C10orf90: variants seen among roughly 807,000 people sequenced by gnomAD.
C10orf90 encodes the protein (E2-independent) E3 ubiquitin-conjugating enzyme FATS.
A neutral mutation model predicts 62.5 loss-of-function variants in C10orf90; 56 were observed. The ratio of observed to expected loss-of-function variants is 0.90; its 90% CI spans 0.72 to 1.12. The LOEUF (loss-of-function observed/expected upper bound fraction) is 1.12. C10orf90 is among the 50% of genes most tolerant of loss of function. The pLI is 0.00. For missense variants in C10orf90, 970 were observed against 880.4 expected (o/e 1.10, Z -1.29); for synonymous variants, 386 against 340.4 (o/e 1.13, Z -1.47).
At chr10:126,498,179 G>C (rs1862174732) in intron 4 of C10orf90, among the ~76,000 whole-genome samples, 1 of 152,228 alleles carries the variant, frequency 6.6e-6, no homozygotes, top group African/African-American at 2.4e-5. Context: ...GCAGGGTAGA[G>C]GCGGCTCCAG....
At chr10:126,428,015 C>T (rs887191873) in intron 8 of C10orf90, among the ~76,000 whole-genome samples, 1 of 151,964 alleles carries the variant, frequency 6.6e-6, no homozygotes, top group Non-Finnish European at 1.5e-5. Flanking sequence ...AAAGAACATC[C>T]CAAATAAATC....
At chr10:126,606,180 A>G (rs1003066519) in intron 2 of C10orf90, among the ~76,000 whole-genome samples, 12 of 152,338 alleles carry the variant, frequency 7.9e-5, no homozygotes, top group Admixed American at 7.8e-4. Context: ...TTCCAAGACA[A>G]TACCCTCAGG....
intron 2 of C10orf90, among the ~76,000 whole-genome samples, chr10:126,634,878 C>A (rs1845918904): frequency 6.6e-6 from 1 of 152,174 alleles, no homozygotes; most frequent in African/African-American, 2.4e-5. Flanking sequence ...AGAACAGTAT[C>A]CTTTGACACA....
Position 126,666,891 on chromosome 10 carries a change from A to G in C10orf90, c.240+3350T>C, listed in dbSNP as rs578119377. ...GCTACTCAGGAGGCTGAGGCAGGAGAATCATTTGAACCCGGGAGGCGGAGG... is the reference window on the plus strand; with the variant it reads ...GCTACTCAGGAGGCTGAGGCAGGAGGATCATTTGAACCCGGGAGGCGGAGG... On this transcript the variant is annotated intron_variant, in intron 1 of 9. Coordinates refer to ENST00000488181, the MANE Select transcript of C10orf90 (RefSeq NM_001350921.2). Among the ~76,000 whole-genome samples, 8 of 150,440 alleles carry G rather than the reference A, an allele frequency of 5.3e-5. No individual in the cohort carries two copies. In the South Asian group the frequency reaches 1.7e-3, roughly 32 times the overall value.
At chr10:126,633,247 G>C (rs1424574540) in intron 2 of C10orf90, among the ~76,000 whole-genome samples, 1 of 152,232 alleles carries the variant, frequency 6.6e-6, no homozygotes, top group Non-Finnish European at 1.5e-5. Context: ...TGATGGGCAA[G>C]AAATGATGTG....
chr10:126,481,524 C>G (rs995683932), intron 4 of C10orf90, among the ~76,000 whole-genome samples: 6 of 152,224 alleles, frequency 3.9e-5, no homozygotes, highest in Admixed American at 2.0e-4. Context: ...GAGACAGAGT[C>G]CACATCCCAA....
chr10:126,523,580 A>G (rs1186170886), intron 2 of C10orf90: 1 of 152,222 alleles, frequency 6.6e-6, no homozygotes, highest in Admixed American at 6.5e-5. Context: ...GAAACCTGTG[A>G]TAAAATACAC....
At chr10:126,653,488 A>G (rs1846331640) in intron 1 of C10orf90, among the ~76,000 whole-genome samples, 1 of 152,222 alleles carries the variant, frequency 6.6e-6, no homozygotes, top group African/African-American at 2.4e-5. Flanking sequence ...CATCCATTAA[A>G]GTTTTATCAT....
intron 4 of C10orf90, among the ~76,000 whole-genome samples, chr10:126,488,853 G>C (rs1861569901): frequency 6.6e-6 from 1 of 152,008 alleles, no homozygotes; most frequent in Non-Finnish European, 1.5e-5. Context: ...GTAGAAACCT[G>C]ACTAGTCATA....
intron 2 of C10orf90, among the ~76,000 whole-genome samples, chr10:126,517,908 CAAAAAAAA>C (rs34182199): frequency 3.7e-5 from 3 of 80,842 alleles, no homozygotes; most frequent in East Asian, 7.1e-4. Context: ...GACTCCATCT[CAAAAAAAA>C]AAAAAAAAAA....
intron 2 of C10orf90, among the ~76,000 whole-genome samples, chr10:126,588,814 C>A (rs970694784): frequency 6.6e-6 from 1 of 152,180 alleles, no homozygotes; most frequent in African/African-American, 2.4e-5. Flanking sequence ...CAATTGACTG[C>A]AACATCTCTC....
chr10:126,555,341 G>C (rs1413118109), intron 2 of C10orf90, among the ~76,000 whole-genome samples: 1 of 152,100 alleles, frequency 6.6e-6, no homozygotes, highest in African/African-American at 2.4e-5. Context: ...AACTGGAAGA[G>C]GTTGATATAT....
intron 4 of C10orf90, chr10:126,470,064 T>C (rs1262034676): frequency 8.8e-6 from 4 of 455,130 alleles, no homozygotes; most frequent in South Asian, 6.2e-5. Context: ...GGAGGGAAGG[T>C]GTTCTTCTGC....
intron 2 of C10orf90, among the ~76,000 whole-genome samples, chr10:126,548,862 G>A (rs950298364): frequency 6.6e-6 from 1 of 151,198 alleles, no homozygotes; most frequent in African/African-American, 2.4e-5. Context: ...TCCAGAAATA[G>A]ATCCACATAA....
intron 2 of C10orf90, 61 bp downstream of exon 2, chr10:126,646,504 A>G (rs1564907842): frequency 2.8e-6 from 1 of 350,958 alleles, no homozygotes; most frequent in Non-Finnish European, 5.6e-6. Context: ...AAAGAGAGAG[A>G]GAGAGAGAGT....
chr10:126,544,054 ATCT>A (rs1394979391), intron 2 of C10orf90, among the ~76,000 whole-genome samples: 2 of 152,200 alleles, frequency 1.3e-5, no homozygotes, highest in Non-Finnish European at 2.9e-5. Flanking sequence ...GTGTTGCCAG[ATCT>A]TCTCATTTTT....
At chr10:126,669,306 C>G (rs1846697964) in intron 1 of C10orf90, among the ~76,000 whole-genome samples, 3 of 152,174 alleles carry the variant, frequency 2.0e-5, no homozygotes, top group Non-Finnish European at 4.4e-5. Context: ...AAGAAGCCAG[C>G]CTTGAACCTT....
chr10:126,447,806 A>G (rs7097347), intron 7 of C10orf90, among the ~76,000 whole-genome samples: 68,341 of 151,228 alleles, frequency 0.45, 15,457 homozygotes, highest in South Asian at 0.5. Flanking sequence ...TAATAAATTT[A>G]GATGATAGAA....
In C10orf90 at chr10:126,513,934, G is replaced by C. The variant is rs754901315; in HGVS notation, c.319C>G (p.Arg107Gly). The C allele has an allele frequency of 1.1e-5, 17 of 1,608,540 alleles. No individual in the cohort carries two copies. The Admixed American group carries it at 2.2e-4, about 21-fold the overall frequency. ...RNESLSNAGL[R>G]DSYHSRRDQI... ...TCTCTTCTACTGTGGTAGCTGTCCC[G>C]TAATCCTAGGCAAAAGAAGATAATA... is the stretch of plus-strand genomic sequence containing the variant. The change falls in exon 3 of 10, where the codon CGG becomes GGG. Residue 107 changes from arginine (R) to glycine (G), a missense_variant. Physicochemically the swap from Arg to Gly is moderately radical, Grantham distance 125. Transcript: ENST00000488181.
Sources: allele counts gnomAD v4.1 joint callset (sites outside exome capture counted in the v4.1 genomes callset), GRCh38; gene constraint gnomAD v4.1.1; transcripts MANE v1.5; gene names NCBI Gene and HGNC (gene_info 2026-07-23, HGNC 2026-07-21).